The following POU2F1 variants were observed in gnomAD, a reference collection of about 807,000 sequenced individuals.
POU2F1 encodes the protein POU domain, class 2, transcription factor 1.
Under a neutral mutation model 84.9 loss-of-function variants are expected in POU2F1, and 16 were observed. The observed-to-expected ratio is 0.19, with a 90% CI of 0.13 to 0.29. The LOEUF (loss-of-function observed/expected upper bound fraction) is 0.29, where lower values mean the gene tolerates loss of function less well. Among genes scored for constraint, POU2F1 ranks in the 10% least tolerant of loss-of-function variants. The probability of loss-of-function intolerance (pLI) is 1.00; values close to 1 mark genes in which losing one functional copy is unlikely to be tolerated. For missense variants in POU2F1, 738 were observed against 942.6 expected (o/e 0.78, Z 2.84); for synonymous variants, 368 against 368.3 (o/e 1.00, Z 0.01).
chr1:167,300,833 T>G (rs1318443482), intron 1 of POU2F1, among the ~76,000 whole-genome samples: 1 of 151,710 alleles, frequency 6.6e-6, no homozygotes, highest in African/African-American at 2.4e-5. Context: ...TGCAGTGGAG[T>G]GATCTCGGCT....
chr1:167,243,040 A>G (rs1461265060), intron 1 of POU2F1, among the ~76,000 whole-genome samples: 1 of 151,724 alleles, frequency 6.6e-6, no homozygotes, highest in Non-Finnish European at 1.5e-5. Context: ...GCAAGTGTCT[A>G]CTAATTGAGA....
intron 1 of POU2F1, among the ~76,000 whole-genome samples, chr1:167,315,761 A>G (rs1655846097): frequency 1.3e-5 from 2 of 151,726 alleles, no homozygotes; most frequent in Admixed American, 1.3e-4. Context: ...CTATGATTAT[A>G]CTACAGCACT....
At position 167,226,926 on chromosome 1, in the gene POU2F1, G is replaced by A. The variant is rs72693603; in HGVS notation, c.61+5968G>A. Among the ~76,000 whole-genome samples, 1,313 of 152,218 alleles carry A rather than the reference G, an allele frequency of 8.6e-3. 15 individuals are homozygous for A. Among genetic ancestry groups the A allele is most frequent in the Middle Eastern group, 0.017 (5 of 294 alleles). On this transcript the variant is annotated intron_variant, in intron 1 of 15. Transcript: ENST00000367866. ...AATCAGCAAACCTCTAGATTTATCA[G>A]ATTATCTTTTATTCATTTATTTTCT...
At chr1:167,236,956 T>C (rs1201739030) in intron 1 of POU2F1, among the ~76,000 whole-genome samples, 1 of 152,186 alleles carries the variant, frequency 6.6e-6, no homozygotes, top group East Asian at 1.9e-4. Flanking sequence ...GGGGTCTATT[T>C]CCTACACAAG....
At chr1:167,311,649 T>C (rs1168612322) in intron 1 of POU2F1, among the ~76,000 whole-genome samples, 5 of 151,896 alleles carry the variant, frequency 3.3e-5, no homozygotes, top group Admixed American at 6.6e-5. Flanking sequence ...AGTCTTAGTT[T>C]TTAACAAAAA....
chr1:167,402,517 G>A (rs1016415635), intron 13 of POU2F1, among the ~76,000 whole-genome samples: 1 of 152,070 alleles, frequency 6.6e-6, no homozygotes, highest in Admixed American at 6.6e-5. Context: ...AGTACTTCTT[G>A]ACCTCTTCTG....
intron 1 of POU2F1, among the ~76,000 whole-genome samples, chr1:167,324,312 T>C (rs1481143415): frequency 2.0e-5 from 3 of 152,222 alleles, no homozygotes; most frequent in Non-Finnish European, 2.9e-5. Context: ...AATACATTTA[T>C]ACCTGGAAAG....
chr1:167,277,465 T>C (rs1350731824), intron 1 of POU2F1, among the ~76,000 whole-genome samples: 4 of 149,374 alleles, frequency 2.7e-5, no homozygotes, highest in Non-Finnish European at 5.9e-5. Context: ...GGGAACTAAC[T>C]CCATTTTTAC....
intron 1 of POU2F1, among the ~76,000 whole-genome samples, chr1:167,227,063 G>A (rs1648686254): frequency 6.6e-6 from 1 of 152,070 alleles, no homozygotes; most frequent in South Asian, 2.1e-4. Flanking sequence ...TGGGACTACA[G>A]GCATGAGCTA....
chr1:167,220,985 C>T (rs925521140), intron 1 of POU2F1, 27 bp downstream of exon 1: 3 of 1,525,472 alleles, frequency 2.0e-6, no homozygotes, highest in Non-Finnish European at 2.6e-6. Context: ...TTTACATATT[C>T]ATATTCATAC....
intron 1 of POU2F1, chr1:167,319,148 G>T (rs1197350684): frequency 2.0e-5 from 3 of 153,566 alleles, no homozygotes; most frequent in African/African-American, 7.2e-5. Flanking sequence ...GGGTTTTTGG[G>T]ATCCTCCCAA....
rs565247029 is a variant in POU2F1 at position 167,382,635 on chromosome 1, G to A, written c.719-1222G>A. On this transcript the variant is annotated intron_variant, in intron 7 of 15. Coordinates refer to ENST00000367866, the MANE Select transcript of POU2F1 (RefSeq NM_002697.4). ...GAACTATAGGGAGACACTTGGGGAA[G>A]GAGGATGGTCATTTAAACTTCCATA... 2.6e-5 allele frequency among the ~76,000 whole-genome samples: 4 copies of A among 152,282 alleles called. No individual in the cohort carries two copies. The East Asian group carries it at 7.7e-4, about 29-fold the overall frequency.
At chr1:167,361,958 G>T (rs890947011) in intron 2 of POU2F1, among the ~76,000 whole-genome samples, 1 of 151,782 alleles carries the variant, frequency 6.6e-6, no homozygotes, top group Non-Finnish European at 1.5e-5. Flanking sequence ...TCCTAATGTA[G>T]GTGCTCCTAT....
intron 2 of POU2F1, among the ~76,000 whole-genome samples, chr1:167,341,058 G>A (rs1657816748): frequency 6.6e-6 from 1 of 152,108 alleles, no homozygotes; most frequent in Non-Finnish European, 1.5e-5. Context: ...AAGCTGAGAT[G>A]GGGGAAGAAA....
At chr1:167,401,690 T>C (rs557565692) in intron 13 of POU2F1, 134 bp downstream of exon 13, 46 of 503,572 alleles carry the variant, frequency 9.1e-5, no homozygotes, top group Middle Eastern at 1.1e-3. Context: ...TCAATTTTCT[T>C]TAAAGTAACT....
chr1:167,322,953 G>A (rs111653453), intron 1 of POU2F1, among the ~76,000 whole-genome samples: 9 of 152,258 alleles, frequency 5.9e-5, no homozygotes, highest in African/African-American at 1.4e-4. Flanking sequence ...CCGTCATTCC[G>A]GTAAACCAAC....
At chr1:167,221,893 G>T (rs977909906) in intron 1 of POU2F1, among the ~76,000 whole-genome samples, 1 of 151,782 alleles carries the variant, frequency 6.6e-6, no homozygotes, top group Non-Finnish European at 1.5e-5. Context: ...CCTCTGGGGC[G>T]GCCCGCGCGC....
At chr1:167,373,636 T>A (rs1660147174) in intron 5 of POU2F1, among the ~76,000 whole-genome samples, 1 of 152,228 alleles carries the variant, frequency 6.6e-6, no homozygotes, top group African/African-American at 2.4e-5. Flanking sequence ...TCATATTCTT[T>A]AGTCATATCT....
intron 1 of POU2F1, among the ~76,000 whole-genome samples, chr1:167,323,983 G>A (rs1049838515): frequency 7.2e-5 from 11 of 151,974 alleles, no homozygotes; most frequent in Non-Finnish European, 1.0e-4. Context: ...ATTAGTCACC[G>A]CACCCAGCCT....
Sources: gnomAD v4.1 joint callset for allele counts (sites outside exome capture counted in the v4.1 genomes callset) on GRCh38, gnomAD v4.1.1 for gene constraint, MANE v1.5 for transcripts, NCBI Gene and HGNC (gene_info 2026-07-23, HGNC 2026-07-21) for gene names.